Variants in ACOT2 observed in about 807,000 individuals in gnomAD.
ACOT2 encodes the protein acyl-coenzyme A thioesterase 2, mitochondrial.
A neutral mutation model predicts 20.1 loss-of-function variants in ACOT2; 15 were observed. The ratio of observed to expected loss-of-function variants is 0.75; its 90% CI spans 0.50 to 1.15. ACOT2 has a LOEUF of 1.15. Among genes scored for constraint, ACOT2 ranks in the 50% most tolerant of loss-of-function variants. The pLI is 0.00. For synonymous variants in ACOT2, 252 were observed against 268.4 expected, an observed-to-expected ratio of 0.94 and a Z score of 0.60; for missense variants, 479 against 615.3, an observed-to-expected ratio of 0.78 and a Z score of 2.34.
intron 1 of ACOT2, among the ~76,000 whole-genome samples, chr14:73,570,329 G>A (rs1470519311): frequency 1.3e-5 from 2 of 151,818 alleles, no homozygotes; most frequent in Non-Finnish European, 2.9e-5. Context: ...CAGCACTTTG[G>A]GAAGTCTCGG....
At chr14:73,572,972 G>A (rs1432947463) in intron 1 of ACOT2, among the ~76,000 whole-genome samples, 3 of 151,508 alleles carry the variant, frequency 2.0e-5, no homozygotes, top group Non-Finnish European at 4.4e-5. Flanking sequence ...AATTTTGTGT[G>A]AAACACAAAA....
chr14:73,573,626 A>G (rs530870221), intron 2 of ACOT2, 36 bp downstream of exon 2: 1 of 1,611,072 alleles, frequency 6.2e-7, no homozygotes, highest in Admixed American at 1.7e-5. Context: ...GCTATGATGT[A>G]TCAGGTCTCT....
chr14:73,569,501 C>G lies in ACOT2; in HGVS notation c.261C>G (p.Gly87=). 1 of 1,611,112 alleles carries G rather than the reference C, an allele frequency of 6.2e-7. No homozygotes were observed. Among genetic ancestry groups the G allele is most frequent in the Middle Eastern group, 2.0e-4 (1 of 4,944 alleles). The change falls in exon 1 of 3, where the codon GGC becomes GGG. Residue 87 remains glycine (G), a synonymous_variant. Transcript: ENST00000238651. ...AACCGGTGCGAATCGCCGTGCGCGGCCTAGCCCCGGAGCAGCCGGTCACGC... is the reference window on the plus strand; with the variant it reads ...AACCGGTGCGAATCGCCGTGCGCGGGCTAGCCCCGGAGCAGCCGGTCACGC... ...WDEPVRIAVR[G]LAPEQPVTLR...
chr14:73,570,565 T>C (rs1222101275), intron 1 of ACOT2, among the ~76,000 whole-genome samples: 1 of 143,560 alleles, frequency 7.0e-6, no homozygotes, highest in African/African-American at 2.6e-5. Context: ...CGAGACTCCG[T>C]CTCAAAAAAA....
chr14:73,569,996 A>G, intron 1 of ACOT2, 113 bp downstream of exon 1: 1 of 1,426,870 alleles, frequency 7.0e-7, no homozygotes, highest in Non-Finnish European at 9.2e-7. Flanking sequence ...CCCGGGCTAT[A>G]TTGCCCAGGC....
chr14:73,572,678 C>T (rs1169010885), intron 1 of ACOT2, among the ~76,000 whole-genome samples: 4 of 136,888 alleles, frequency 2.9e-5, no homozygotes, highest in African/African-American at 8.0e-5. Context: ...GACAGTGTCT[C>T]GCTCTTTCGC....
chr14:73,571,440 G>A (rs1395228459), intron 1 of ACOT2: 1 of 151,948 alleles, frequency 6.6e-6, no homozygotes, highest in Non-Finnish European at 1.5e-5. Context: ...TGTTTTGCAT[G>A]TGCTTCATCT....
At position 73,573,570 on chromosome 14, in the gene ACOT2, T is replaced by C. The variant is rs148059441; in HGVS notation, c.826T>C (p.Tyr276His). The C allele has an allele frequency of 2.5e-5, 40 of 1,613,764 alleles. No homozygotes were observed. In the African/African-American group the frequency reaches 4.5e-4, roughly 18 times the overall value. ...HLEYFEEAMN[Y>H]LLSHPEVKGP... The stretch of plus-strand genomic sequence containing the variant: ...GGAGTACTTTGAAGAAGCCATGAAC[T>C]ACTTGCTCAGTCATCCCGAGGTTAG... The change falls in exon 2 of 3, where the codon TAC becomes CAC. Residue 276 changes from tyrosine (Y) to histidine (H), a missense_variant. This residue lies in a region of ACOT2 where 400 missense variants were observed against 395.5 expected (regional missense o/e 1.01). Coordinates refer to ENST00000238651, the MANE Select transcript of ACOT2 (RefSeq NM_006821.6).
chr14:73,574,498 A>C, intron 2 of ACOT2: 3 of 338,962 alleles, frequency 8.9e-6, no homozygotes, highest in Non-Finnish European at 1.7e-5. Flanking sequence ...CCTGACCTCA[A>C]ATGATCCACC....
chr14:73,569,696 G>A lies in ACOT2; in HGVS notation c.456G>A (p.Leu152=). 1 of 1,609,494 alleles carries A rather than the reference G, an allele frequency of 6.2e-7. No individual in the cohort carries two copies. Among genetic ancestry groups the A allele is most frequent in the Non-Finnish European group, 8.5e-7 (1 of 1,178,934 alleles). Residue 152 remains leucine (L), a synonymous_variant, in exon 1 of 3, where the codon TTG becomes TTA. Transcript: ENST00000238651. ...GGGCCTTGGAGCCCGAGAAACCTTT[G>A]GTGCGGCTGGTGAAGCGCGACGTGC... ...LLWALEPEKP[L]VRLVKRDVRT...
At position 73,569,677 on chromosome 14, in the gene ACOT2, T is replaced by C; in HGVS notation, c.437T>C (p.Leu146Ser). ...GLEPMGLLWA[L>S]EPEKPLVRLV... The stretch of plus-strand genomic sequence containing the variant: ...GAGCCCATGGGGCTGCTCTGGGCCT[T>C]GGAGCCCGAGAAACCTTTGGTGCGG... The change falls in exon 1 of 3, where the codon TTG (leucine) becomes TCG (serine). Residue 146 changes from leucine (L) to serine (S), a missense_variant. Physicochemically the swap from Leu to Ser is moderately radical, Grantham distance 145. This residue lies in a region of ACOT2 where 400 missense variants were observed against 395.5 expected (regional missense o/e 1.01). Coordinates refer to ENST00000238651, the MANE Select transcript of ACOT2 (RefSeq NM_006821.6). 1 of 1,608,986 alleles carries C rather than the reference T, an allele frequency of 6.2e-7. No homozygotes were observed. Among genetic ancestry groups the C allele is most frequent in the Non-Finnish European group, 8.5e-7 (1 of 1,178,708 alleles).
Position 73,575,435 on chromosome 14 carries a change from G to A in ACOT2, c.1374G>A (p.Val458=). The change falls in exon 3 of 3, where the codon GTG becomes GTA. Residue 458 remains valine, a synonymous_variant. Transcript: ENST00000238651. The part of the protein sequence containing the change: ...GEPRAHAMAQ[V]DAWKQLQTFF... ...CCAGGGCTCATGCCATGGCTCAGGT[G>A]GATGCTTGGAAACAACTCCAGACTT... 2 of 1,384,710 alleles carry A rather than the reference G, an allele frequency of 1.4e-6. No individual in the cohort carries two copies. The highest frequency in any genetic ancestry group is 2.5e-5 in the Admixed American group (1 of 40,664). 85.8% of individuals were successfully genotyped at this position (1,384,710 alleles called of 1,614,324 possible).
At chr14:73,574,829 C>T in intron 2 of ACOT2, 79 bp from the exon 3 acceptor site, 1 of 1,605,868 alleles carries the variant, frequency 6.2e-7, no homozygotes, top group Non-Finnish European at 8.5e-7. Flanking sequence ...GTTCAACTAA[C>T]TTCCAGGGTG....
In ACOT2 at chr14:73,569,394, C is replaced by G; in HGVS notation, c.154C>G (p.Gln52Glu). ...AQFLGSPQLR[Q>E]VGQIIRVPAR... Reference sequence around the variant, plus strand: ...GTTCCTGGGGTCTCCACAGCTGAGGCAGGTTGGTCAGATCATTAGGGTTCC... The same window carrying G: ...GTTCCTGGGGTCTCCACAGCTGAGGGAGGTTGGTCAGATCATTAGGGTTCC... Residue 52 changes from glutamine to glutamate, a missense_variant, in exon 1 of 3, where the codon CAG becomes GAG. Around this residue, in one of 4 missense-constraint regions of ACOT2, gnomAD observed 400 missense variants for 395.5 expected, o/e 1.01. Transcript: ENST00000238651. 6.2e-7 allele frequency: 1 copy of G among 1,613,988 alleles called. No homozygotes were observed.
rs780141009 is a variant in ACOT2 at position 73,569,786 on chromosome 14, G to C, written c.546G>C (p.Leu182=). The C allele has an allele frequency of 5.6e-6, 9 of 1,605,178 alleles. No homozygotes were observed. The highest frequency in any genetic ancestry group is 5.0e-5 in the Admixed American group (3 of 59,520). Residue 182 remains leucine, a synonymous_variant, in exon 1 of 3, where the codon CTG becomes CTC. Coordinates refer to ENST00000238651, the MANE Select transcript of ACOT2 (RefSeq NM_006821.6). ...ACGACCCCGACCCCGGGCGGCTGCT[G>C]TGCCAGACGCGGCACGAGCGCTACT... ...DGHDPDPGRL[L]CQTRHERYFL...
chr14:73,569,552 G>T lies in ACOT2; in HGVS notation c.312G>T (p.Lys104Asn). ...VTLRASLRDE[K>N]GALFQAHARY... ...TGCGCGCGTCCCTGCGCGACGAGAA[G>T]GGCGCGCTTTTCCAGGCCCACGCGC... The change falls in exon 1 of 3, where the codon AAG becomes AAT. Residue 104 changes from lysine to asparagine, a missense_variant. Physicochemically the swap from Lys to Asn is moderately conservative, Grantham distance 94 (BLOSUM62 0). Transcript: ENST00000238651. 6.2e-7 allele frequency: 1 copy of T among 1,603,604 alleles called. No individual in the cohort carries two copies. Among genetic ancestry groups the T allele is most frequent in the Non-Finnish European group, 8.5e-7 (1 of 1,176,012 alleles).
chr14:73,572,473 G>A (rs1419843681), intron 1 of ACOT2, among the ~76,000 whole-genome samples: 1 of 151,722 alleles, frequency 6.6e-6, no homozygotes, highest in African/African-American at 2.4e-5. Flanking sequence ...AAAATATTAA[G>A]GTACATAATC....
Position 73,569,227 on chromosome 14 carries a change from G to T in ACOT2, c.-14G>T. On this transcript the variant is annotated 5_prime_UTR_variant, in exon 1 of 3. Coordinates refer to ENST00000238651, the MANE Select transcript of ACOT2 (RefSeq NM_006821.6). ...CCCTAGTGGGCGCTTAGCCTGCGAC[G>T]GCAGCCCGAGAGGATGTCTAACAAG... 1.2e-6 allele frequency: 2 copies of T among 1,612,334 alleles called. No homozygotes were observed. Among genetic ancestry groups the T allele is most frequent in the South Asian group, 1.1e-5 (1 of 90,948 alleles).
At chr14:73,574,853 A>G (rs1352141728) in intron 2 of ACOT2, 55 bp from the exon 3 acceptor site, 21 of 1,612,566 alleles carry the variant, frequency 1.3e-5, no homozygotes, top group Non-Finnish European at 1.8e-5. Context: ...ACAACTCACC[A>G]TATTCCACTG....
Sources: gnomAD v4.1 joint callset for allele counts (sites outside exome capture counted in the v4.1 genomes callset) on GRCh38, gnomAD v4.1.1 for gene constraint, gnomAD v4.1.1 regional missense constraint, MANE v1.5 for transcripts, NCBI Gene and HGNC (gene_info 2026-07-23, HGNC 2026-07-21) for gene names.